Variants in RAB38 observed in about 807,000 individuals in gnomAD.
RAB38 encodes the protein ras-related protein Rab-38.
RAB38 carries 15 observed loss-of-function variants against 18.4 expected under a neutral mutation model. The observed-to-expected ratio is 0.82, with a 90% confidence interval of 0.55 to 1.26. The LOEUF (loss-of-function observed/expected upper bound fraction) is 1.26, where lower values mean the gene tolerates loss of function less well. RAB38 is among the 50% of genes most tolerant of loss of function. RAB38 has a pLI of 0.00. For synonymous variants in RAB38, 101 were observed against 104.4 expected (o/e 0.97, Z 0.20); for missense variants, 294 against 267.4 (o/e 1.10, Z -0.69).
chr11:88,081,017 A>G, the RAB38 span, among the ~76,000 whole-genome samples: 2 of 152,008 alleles, frequency 1.3e-5, no homozygotes, highest in East Asian at 1.9e-4. Context: ...ATATTTTAAG[A>G]CACTATATAA....
chr11:87,871,555 A>G, the RAB38 span, among the ~76,000 whole-genome samples: 1 of 151,620 alleles, frequency 6.6e-6, no homozygotes, highest in Non-Finnish European at 1.5e-5. Context: ...CATATTTTAA[A>G]GTATAATTTT....
the RAB38 span, among the ~76,000 whole-genome samples, chr11:87,834,889 T>G: frequency 0.22 from 34,146 of 152,048 alleles, 4,408 homozygotes; most frequent in African/African-American, 0.34. Flanking sequence ...ATAAATGTTT[T>G]GTATTATGAT....
chr11:87,942,484 G>T, the RAB38 span, among the ~76,000 whole-genome samples: 1 of 152,142 alleles, frequency 6.6e-6, no homozygotes, highest in African/African-American at 2.4e-5. Context: ...CTAAGTTTAT[G>T]CTTAGGTTGC....
At chr11:87,863,537 A>G in the RAB38 span, among the ~76,000 whole-genome samples, 1 of 149,990 alleles carries the variant, frequency 6.7e-6, no homozygotes, top group Non-Finnish European at 1.5e-5. Context: ...GAATTTGCAG[A>G]AATACATGAA....
the RAB38 span, among the ~76,000 whole-genome samples, chr11:87,819,770 GTA>G: frequency 1.6e-5 from 1 of 63,072 alleles, no homozygotes; most frequent in African/African-American, 6.5e-5. Flanking sequence ...ATATATATGT[GTA>G]TATATATATA....
chr11:88,049,625 C>G, the RAB38 span, among the ~76,000 whole-genome samples: 1 of 152,132 alleles, frequency 6.6e-6, no homozygotes, highest in East Asian at 1.9e-4. Context: ...TTCACATGGA[C>G]GCGCGTGAAA....
At chr11:87,915,549 A>G in the RAB38 span, among the ~76,000 whole-genome samples, 1 of 152,066 alleles carries the variant, frequency 6.6e-6, no homozygotes, top group Non-Finnish European at 1.5e-5. Flanking sequence ...GTTACCCTAT[A>G]TGGTCTAAAA....
the RAB38 span, among the ~76,000 whole-genome samples, chr11:87,930,252 C>T: frequency 2.0e-5 from 3 of 152,162 alleles, no homozygotes; most frequent in South Asian, 2.1e-4. Context: ...TTAATGATCG[C>T]CATTCTAACT....
chr11:88,064,895 T>G, the RAB38 span, among the ~76,000 whole-genome samples: 5 of 152,218 alleles, frequency 3.3e-5, no homozygotes, highest in Non-Finnish European at 7.3e-5. Flanking sequence ...AAATAAACAG[T>G]GTTTCTGGTC....
At chr11:88,052,903 T>C in the RAB38 span, among the ~76,000 whole-genome samples, 1 of 10,906 alleles carries the variant, frequency 9.2e-5, no homozygotes, top group African/African-American at 5.0e-4. Flanking sequence ...AAAAATTTCA[T>C]ATATATATAT....
the RAB38 span, among the ~76,000 whole-genome samples, chr11:88,077,755 T>A: frequency 5.9e-5 from 9 of 152,068 alleles, no homozygotes; most frequent in African/African-American, 2.2e-4. Context: ...CTCAAAAGCA[T>A]AGGCAACCAA....
intron 1 of RAB38, among the ~76,000 whole-genome samples, chr11:88,150,546 T>G (rs762036962): frequency 1.3e-5 from 2 of 152,174 alleles, no homozygotes; most frequent in African/African-American, 4.8e-5. Flanking sequence ...TTAAAAGGGA[T>G]CCACAATCTA....
At chr11:87,839,356 A>G in the RAB38 span, among the ~76,000 whole-genome samples, 2 of 152,242 alleles carry the variant, frequency 1.3e-5, no homozygotes, top group East Asian at 1.9e-4. Flanking sequence ...GCAGAAAGTC[A>G]AGACTCAGAC....
chr11:87,887,158 A>G, the RAB38 span, among the ~76,000 whole-genome samples: 8 of 152,076 alleles, frequency 5.3e-5, no homozygotes, highest in East Asian at 1.4e-3. Context: ...ATCCTCTTAC[A>G]TGAAAATGAG....
At chr11:87,822,839 T>A in the RAB38 span, among the ~76,000 whole-genome samples, 7 of 152,102 alleles carry the variant, frequency 4.6e-5, no homozygotes, top group East Asian at 1.4e-3. Context: ...AGGACACATC[T>A]AAAACATAAG....
chr11:87,946,539 C>A, the RAB38 span, among the ~76,000 whole-genome samples: 18 of 152,200 alleles, frequency 1.2e-4, no homozygotes, highest in Admixed American at 5.9e-4. Flanking sequence ...ATCCCTCCCC[C>A]CTCGCCCCAC....
chr11:87,874,659 T>TATAAAATAATAAA, the RAB38 span, among the ~76,000 whole-genome samples: 1 of 149,450 alleles, frequency 6.7e-6, no homozygotes, highest in African/African-American at 2.4e-5. Context: ...AAAATATATA[T>TATAAAATAATAAA]ATAAAATAAT....
intron 1 of RAB38, among the ~76,000 whole-genome samples, chr11:88,171,692 C>G (rs1295712616): frequency 1.3e-5 from 2 of 152,162 alleles, no homozygotes; most frequent in African/African-American, 2.4e-5. Context: ...GCTACTATCC[C>G]TATAAATGTC....
At chr11:88,150,800 C>T (rs1943054229) in intron 1 of RAB38, among the ~76,000 whole-genome samples, 1 of 152,140 alleles carries the variant, frequency 6.6e-6, no homozygotes, top group South Asian at 2.1e-4. Flanking sequence ...TACTCTCAAC[C>T]ACTAAATTAT....
Sources: allele counts gnomAD v4.1 joint callset (sites outside exome capture counted in the v4.1 genomes callset), GRCh38; gene constraint gnomAD v4.1.1; transcripts MANE v1.5; gene names NCBI Gene and HGNC (gene_info 2026-07-23, HGNC 2026-07-21).